Variants in POT1 observed in about 807,000 individuals in gnomAD.
POT1 encodes protection of telomeres protein 1.
Under a neutral mutation model 78.5 loss-of-function variants are expected in POT1, and 47 were observed. The ratio of observed to expected loss-of-function variants is 0.60; its 90% CI spans 0.47 to 0.76. The LOEUF (loss-of-function observed/expected upper bound fraction) is 0.76. POT1 is among the 30% of genes least tolerant of loss of function. The pLI is 0.00. For synonymous variants in POT1, 259 were observed against 260.7 expected, an observed-to-expected ratio of 0.99 and a Z score of 0.06; for missense variants, 646 against 749.9, an observed-to-expected ratio of 0.86 and a Z score of 1.62.
chr7:124,924,224 TG>T (rs557883461), intron 2 of POT1, among the ~76,000 whole-genome samples: 148 of 146,526 alleles, frequency 1.0e-3, no homozygotes, highest in African/African-American at 3.5e-3. Flanking sequence ...ACAAAATTGA[TG>T]AACTACCAGC....
intron 3 of POT1, among the ~76,000 whole-genome samples, chr7:124,899,650 T>A (rs1471663300): frequency 6.6e-6 from 1 of 152,126 alleles, no homozygotes; most frequent in East Asian, 1.9e-4. Context: ...GAGATTTTAG[T>A]CAAAGATTTA....
intron 12 of POT1, among the ~76,000 whole-genome samples, chr7:124,844,404 C>T (rs534833819): frequency 4.8e-4 from 71 of 146,508 alleles, no homozygotes; most frequent in Admixed American, 9.5e-4. Context: ...GCTGGGATTA[C>T]GGGCGTGAGC....
chr7:124,917,282 T>A (rs191398218), intron 2 of POT1, among the ~76,000 whole-genome samples: 346 of 152,076 alleles, frequency 2.3e-3, no homozygotes, highest in Non-Finnish European at 4.2e-3. Context: ...AGGGAGGAGA[T>A]CTTATTTGAG....
chr7:124,841,087 A>T lies in POT1; in HGVS notation c.1255T>A (p.Tyr419Asn), dbSNP rs773811344. The T allele has an allele frequency of 1.2e-6, 2 of 1,612,738 alleles. No individual in the cohort carries two copies. Among genetic ancestry groups the T allele is most frequent in the Non-Finnish European group, 1.7e-6 (2 of 1,179,014 alleles). Residue 419 changes from tyrosine (Y) to asparagine (N), a missense_variant, in exon 14 of 19, where the codon TAT (tyrosine) becomes AAT (asparagine). Coordinates refer to ENST00000357628, the MANE Select transcript of POT1 (RefSeq NM_015450.3). ...PDVKLQNTSL[Y>N]DSKIWTTKNQ... ...TTAGTGGTCCAGATTTTTGAATCAT[A>T]TAATGATGTATTTTGTAGCTTGACA... is the stretch of plus-strand genomic sequence containing the variant.
chr7:124,856,948 TAC>T (rs1743816480), intron 9 of POT1, among the ~76,000 whole-genome samples: 1 of 152,232 alleles, frequency 6.6e-6, no homozygotes, highest in Admixed American at 6.5e-5. Flanking sequence ...CATACATATA[TAC>T]ACACAGAGGA....
At chr7:124,868,904 T>G (rs182356018) in intron 7 of POT1, among the ~76,000 whole-genome samples, 1 of 151,776 alleles carries the variant, frequency 6.6e-6, no homozygotes, top group Non-Finnish European at 1.5e-5. Context: ...AGATCAGAGA[T>G]GAAATCTATG....
At chr7:124,833,466 A>G (rs1009869511) in intron 15 of POT1, among the ~76,000 whole-genome samples, 1 of 152,230 alleles carries the variant, frequency 6.6e-6, no homozygotes, top group Non-Finnish European at 1.5e-5. Flanking sequence ...GGTTTCTCAA[A>G]TCAGAATGTG....
In POT1 at chr7:124,823,734, A is replaced by G. The variant is rs1562971690; in HGVS notation, c.*228T>C. ...ACACTTATCTCAGCAGTACTTGTTTAAGCAGGTCTCTTTGTACAAAAGCAA... is the reference window on the plus strand; with the variant it reads ...ACACTTATCTCAGCAGTACTTGTTTGAGCAGGTCTCTTTGTACAAAAGCAA... On this transcript the variant is annotated 3_prime_UTR_variant, in exon 19 of 19. Coordinates refer to ENST00000357628, the MANE Select transcript of POT1 (RefSeq NM_015450.3). The G allele has an allele frequency of 2.1e-6, 1 of 481,256 alleles. No homozygotes were observed. The highest frequency in any genetic ancestry group is 2.0e-5 in the African/African-American group (1 of 49,030). The allele number at this position is 481,256 out of a possible 1,614,324, so 29.8% of individuals were successfully genotyped here.
At position 124,848,055 on chromosome 7, in the gene POT1, G is replaced by A. The variant is rs186539902; in HGVS notation, c.950-1057C>T. ...GGCATTAAAAAGGAAACAAACTAAT[G>A]ATATATGCAACAATGTGATTAACTC... On this transcript the variant is annotated intron_variant, in intron 11 of 18. Coordinates refer to ENST00000357628, the MANE Select transcript of POT1 (RefSeq NM_015450.3). Among the ~76,000 whole-genome samples the A allele has an allele frequency of 1.2e-3, 178 of 152,174 alleles. 1 individual carries two copies. Among genetic ancestry groups the A allele is most frequent in the African/African-American group, 3.9e-3 (162 of 41,500 alleles).
Position 124,823,825 on chromosome 7 carries a change from A to C in POT1, c.*137T>G. 1.6e-6 allele frequency: 1 copy of C among 634,304 alleles called. No individual in the cohort carries two copies. Among genetic ancestry groups the C allele is most frequent in the Admixed American group, 3.2e-5 (1 of 31,376 alleles). The allele number at this position is 634,304 out of a possible 1,614,324, so 39.3% of individuals were successfully genotyped here. On this transcript the variant is annotated 3_prime_UTR_variant, in exon 19 of 19. Transcript: ENST00000357628. ...GCACCCAGTAAAAGCCAAGAGATTT[A>C]AGGTAAGGACATTTTCTAATCCCAT...
intron 15 of POT1, among the ~76,000 whole-genome samples, chr7:124,831,679 G>A (rs1276115758): frequency 6.6e-6 from 1 of 152,026 alleles, no homozygotes; most frequent in African/African-American, 2.4e-5. Flanking sequence ...AATAAATTCT[G>A]ATATTTCATA....
At chr7:124,842,675 A>G in intron 13 of POT1, 132 bp downstream of exon 13, 2 of 647,764 alleles carry the variant, frequency 3.1e-6, no homozygotes, top group Non-Finnish European at 4.5e-6. Context: ...TTACCTAAAA[A>G]ATTTACCATT....
chr7:124,828,392 T>C (rs1409447747), intron 16 of POT1, among the ~76,000 whole-genome samples: 1 of 152,152 alleles, frequency 6.6e-6, no homozygotes, highest in Non-Finnish European at 1.5e-5. Context: ...ATCTTCTTGT[T>C]TGGAAATGGA....
Position 124,824,051 on chromosome 7 carries a change from A to T in POT1, c.1816T>A (p.Phe606Ile). Reference protein sequence around the residue: ...KIDAYPWLECFIKSYNVTNGT... With the variant: ...KIDAYPWLECIIKSYNVTNGT... ...TTTGTGACATTGTATGACTTGATGA[A>T]GCATTCCAACCACGGATATGCATCT... Residue 606 changes from phenylalanine (F) to isoleucine (I), a missense_variant, in exon 19 of 19, where the codon TTC becomes ATC. Around this residue, in one of 2 missense-constraint regions of POT1, gnomAD observed 394 missense variants for 408.4 expected, o/e 0.96. Transcript: ENST00000357628. 6.2e-7 allele frequency: 1 copy of T among 1,606,554 alleles called. No homozygotes were observed. Among genetic ancestry groups the T allele is most frequent in the Non-Finnish European group, 8.5e-7 (1 of 1,175,228 alleles).
At chr7:124,841,444 A>G (rs527303659) in intron 13 of POT1, among the ~76,000 whole-genome samples, 1 of 151,906 alleles carries the variant, frequency 6.6e-6, no homozygotes, top group South Asian at 2.1e-4. Context: ...TGGTTTTGTG[A>G]TACAAAGTTA....
intron 6 of POT1, among the ~76,000 whole-genome samples, chr7:124,878,345 T>TG (rs1176736676): frequency 6.7e-6 from 1 of 149,528 alleles, no homozygotes; most frequent in African/African-American, 2.5e-5. Flanking sequence ...AAGCAGGGGG[T>TG]GGGGGGAAGA....
At chr7:124,891,142 GCTGT>G (rs1045297921) in intron 6 of POT1, among the ~76,000 whole-genome samples, 7 of 151,694 alleles carry the variant, frequency 4.6e-5, no homozygotes, top group South Asian at 2.1e-4. Context: ...TAATTGTGTT[GCTGT>G]CTATTTCTCC....
At chr7:124,838,550 C>T (rs567480112) in intron 14 of POT1, among the ~76,000 whole-genome samples, 5 of 151,918 alleles carry the variant, frequency 3.3e-5, no homozygotes, top group Admixed American at 2.6e-4. Flanking sequence ...CCATGTTCAT[C>T]GTCAATAACA....
chr7:124,831,882 T>C (rs1009583976), intron 15 of POT1, among the ~76,000 whole-genome samples: 9 of 151,248 alleles, frequency 6.0e-5, no homozygotes, highest in African/African-American at 1.5e-4. Flanking sequence ...CATAAAAACA[T>C]TGATGAGAAG....
Sources: allele counts gnomAD v4.1 joint callset (sites outside exome capture counted in the v4.1 genomes callset), GRCh38; gene constraint gnomAD v4.1.1; regional missense constraint gnomAD v4.1.1; transcripts MANE v1.5; gene names NCBI Gene and HGNC (gene_info 2026-07-23, HGNC 2026-07-21).